CATSPER2: variants seen among roughly 807,000 people sequenced by gnomAD.
The protein encoded by CATSPER2 is cation channel sperm associated 2.
In CATSPER2, 56 loss-of-function variants were observed where a neutral mutation model predicts 68.8. The observed-to-expected ratio is 0.81, with a 90% CI of 0.66 to 1.02. CATSPER2 has a LOEUF of 1.02. CATSPER2 is among the 50% of genes least tolerant of loss of function. CATSPER2 has a pLI of 0.00. For missense variants in CATSPER2, 582 were observed against 642.0 expected, an observed-to-expected ratio of 0.91 and a Z score of 1.01; for synonymous variants, 198 against 229.9, an observed-to-expected ratio of 0.86 and a Z score of 1.26.
At chr15:43,638,229 T>C (rs1439671097) in intron 7 of CATSPER2, among the ~76,000 whole-genome samples, 6 of 151,030 alleles carry the variant, frequency 4.0e-5, no homozygotes, top group Admixed American at 1.3e-4. Context: ...GCTGGGATTA[T>C]AGGCATGAGC....
intron 9 of CATSPER2, 40 bp downstream of exon 9, chr15:43,635,687 C>G (rs764978230): frequency 1.3e-6 from 2 of 1,575,944 alleles, no homozygotes; most frequent in South Asian, 2.2e-5. Flanking sequence ...TCAGGAAACC[C>G]TTGAGAAGGA....
chr15:43,648,365 G>A (rs1205164065), intron 1 of CATSPER2, among the ~76,000 whole-genome samples: 2 of 151,932 alleles, frequency 1.3e-5, no homozygotes, highest in East Asian at 1.9e-4. Flanking sequence ...CAAAAACACC[G>A]CAAGAAAAAG....
In CATSPER2 at chr15:43,638,833, A is replaced by C. The variant is rs1476640131; in HGVS notation, c.842+71T>G. On this transcript the variant is annotated intron_variant, in intron 7 of 12. Transcript: ENST00000396879. ...TAGACTGCACTTTTTATATTACTAT[A>C]CTTTGGACAAGCTTCCTGGTCTCTT... The C allele has an allele frequency of 2.4e-5, 37 of 1,567,972 alleles. 1 individual carries two copies. The highest frequency in any genetic ancestry group is 1.7e-4 in the Middle Eastern group (1 of 6,010).
chr15:43,647,594 A>C, intron 2 of CATSPER2, 127 bp from the exon 3 acceptor site: 1 of 894,672 alleles, frequency 1.1e-6, no homozygotes, highest in Non-Finnish European at 1.9e-6. Flanking sequence ...TTCTCTTCTC[A>C]CAGCAACTAA....
intron 7 of CATSPER2, among the ~76,000 whole-genome samples, chr15:43,638,491 G>A (rs147551440): frequency 0.018 from 2,739 of 151,580 alleles, 108 homozygotes; most frequent in African/African-American, 0.064. Context: ...GTTTCACCAT[G>A]TTGGCTAGGA....
chr15:43,640,437 C>G lies in CATSPER2; in HGVS notation c.448G>C (p.Ala150Pro), dbSNP rs778218359. The G allele has an allele frequency of 6.8e-6, 11 of 1,613,090 alleles. No individual in the cohort carries two copies. Among genetic ancestry groups the G allele is most frequent in the Non-Finnish European group, 9.3e-6 (11 of 1,179,452 alleles). ...WPLKLTLEVA[A>P]WFILLIFILE... The stretch of plus-strand genomic sequence containing the variant: ...ATGAAAATAAGCAAGATAAACCAAG[C>G]TGCCACCTCCAAGGTCAGCTTCAAT... The change falls in exon 5 of 13, where the codon GCT becomes CCT. Residue 150 changes from alanine to proline, a missense_variant. Physicochemically the swap from Ala to Pro is conservative, Grantham distance 27. This residue lies in a region of CATSPER2 where 197 missense variants were observed against 191.0 expected (regional missense o/e 1.03). Transcript: ENST00000396879.
Position 43,632,306 on chromosome 15 carries a change from T to C in CATSPER2, c.1454A>G (p.Asp485Gly). The C allele has an allele frequency of 6.2e-7, 1 of 1,613,736 alleles. No homozygotes were observed. ...HENLPGLMEM[D>G]QDDRVWPRDS... ...TCTGGGCCAAACACGGTCATCCTGA[T>C]CCATTTCCATTAGCCCGGGCAGATT... The change falls in exon 12 of 13, where the codon GAT (aspartate) becomes GGT (glycine). Residue 485 changes from aspartate to glycine, a missense_variant. This residue lies in a region of CATSPER2 where 235 missense variants were observed against 264.2 expected (regional missense o/e 0.89). Transcript: ENST00000396879.
At chr15:43,648,857 A>C, upstream of CATSPER2, 1 of 1,521,524 alleles carries the variant, frequency 6.6e-7, no homozygotes. Flanking sequence ...TCGCCCAGCC[A>C]CTCGCCGCCT....
Position 43,632,233 on chromosome 15 carries a change from G to A in CATSPER2, c.1527C>T (p.Asn509=), listed in dbSNP as rs766475005. The A allele has an allele frequency of 7.2e-5, 116 of 1,613,438 alleles. 1 individual carries two copies. The highest frequency in any genetic ancestry group is 7.0e-4 in the Admixed American group (42 of 59,950). ...CTTGTAACTTCTTACGTTCCTCTAG[G>A]TTATACTGAAGCTTTTCTAGCAACT... The part of the protein sequence containing the change: ...YFELLEKLQY[N]LEERKKLQEF... Residue 509 remains asparagine, a synonymous_variant, in exon 12 of 13, where the codon AAC becomes AAT. Transcript: ENST00000396879.
chr15:43,630,200 T>C lies in CATSPER2; in HGVS notation c.*501A>G, dbSNP rs2927072. On this transcript the variant is annotated 3_prime_UTR_variant, in exon 13 of 13. Transcript: ENST00000396879. ...GCAGTGATATGATCCTAGCTTGCTGTAGCCTCGAACTCCCTGCCTCAAACA... is the reference window on the plus strand; with the variant it reads ...GCAGTGATATGATCCTAGCTTGCTGCAGCCTCGAACTCCCTGCCTCAAACA... 0.2 allele frequency: 37,964 copies of C among 189,900 alleles called. 6,389 individuals are homozygous for C. Among genetic ancestry groups the C allele is most frequent in the African/African-American group, 0.48 (20,253 of 42,534 alleles). The allele number at this position is 189,900 out of a possible 1,614,324, so 11.8% of individuals were successfully genotyped here.
Position 43,635,425 on chromosome 15 carries a change from CAAAAA to C in CATSPER2, c.1122-14_1122-10del. 7.3e-7 allele frequency: 1 copy of C among 1,373,276 alleles called. No homozygotes were observed. The allele number at this position is 1,373,276 out of a possible 1,614,324, so 85.1% of individuals were successfully genotyped here. On this transcript the variant is annotated splice_polypyrimidine_tract_variant and intron_variant, in intron 9 of 12. Transcript: ENST00000396879. The stretch of plus-strand genomic sequence containing the variant: ...GTGACATGTTTTTTCTCCTGCAGAG[CAAAAA>C]AAAAAAAGAGCAAAGACAGTTATAT...
chr15:43,636,076 G>A lies in CATSPER2; in HGVS notation c.986C>T (p.Ser329Phe). ...IYFILWLLLG[S>F]IIFRSIIVAM... ...TACTATGATACTTCGAAAGATAATGGAGCCAAGCAACAACCAAAGGATGAA... is the reference window on the plus strand; with the variant it reads ...TACTATGATACTTCGAAAGATAATGAAGCCAAGCAACAACCAAAGGATGAA... Residue 329 changes from serine (S) to phenylalanine (F), a missense_variant, in exon 8 of 13, where the codon TCC (serine) becomes TTC (phenylalanine). Physicochemically the swap from Ser to Phe is radical, Grantham distance 155 (BLOSUM62 -2). This residue lies in a region of CATSPER2 where 235 missense variants were observed against 264.2 expected (regional missense o/e 0.89). Transcript: ENST00000396879. 2 of 1,589,402 alleles carry A rather than the reference G, an allele frequency of 1.3e-6. No homozygotes were observed. The highest frequency in any genetic ancestry group is 2.2e-5 in the South Asian group (2 of 89,782).
intron 10 of CATSPER2, chr15:43,633,996 A>G (rs1044303722): frequency 5.3e-5 from 8 of 151,498 alleles, no homozygotes; most frequent in African/African-American, 1.9e-4. Flanking sequence ...CCCATTTGCA[A>G]TCCCACCTTC....
rs1163630462 is a variant in CATSPER2, at chr15:43,647,217, G to A, written c.319+77C>T. 4.5e-6 allele frequency: 7 copies of A among 1,568,398 alleles called. 1 individual carries two copies. Among genetic ancestry groups the A allele is most frequent in the Non-Finnish European group, 6.1e-6 (7 of 1,138,806 alleles). ...CATAAGCAGTGAAAATGAGACAGTGGAGTATGGGGAGCAAAAAATAAGTCA... is the reference window on the plus strand; with the variant it reads ...CATAAGCAGTGAAAATGAGACAGTGAAGTATGGGGAGCAAAAAATAAGTCA... On this transcript the variant is annotated intron_variant, in intron 3 of 12. Transcript: ENST00000396879.
At position 43,636,189 on chromosome 15, in the gene CATSPER2, G is replaced by T. The variant is rs781105245; in HGVS notation, c.873C>A (p.Phe291Leu). 2.5e-6 allele frequency: 4 copies of T among 1,613,044 alleles called. No individual in the cohort carries two copies. In the South Asian group the frequency reaches 4.4e-5, roughly 18 times the overall value. ...ACCAATGATCCAAGGTGAAGAGAATGAACACTGTTACCAGGGAATTCGGGA... is the reference window on the plus strand; with the variant it reads ...ACCAATGATCCAAGGTGAAGAGAATTAACACTGTTACCAGGGAATTCGGGA... The part of the protein sequence containing the change: ...SDLPNSLVTV[F>L]ILFTLDHWYA... Residue 291 changes from phenylalanine to leucine, a missense_variant, in exon 8 of 13, where the codon TTC becomes TTA. Physicochemically the swap from Phe to Leu is conservative, Grantham distance 22 (BLOSUM62 0). Around this residue, in one of 5 missense-constraint regions of CATSPER2, gnomAD observed 14 missense variants for 33.7 expected, o/e 0.42. Transcript: ENST00000396879.
intron 4 of CATSPER2, among the ~76,000 whole-genome samples, chr15:43,641,743 T>C (rs139097404): frequency 0.017 from 2,623 of 152,124 alleles, 51 homozygotes; most frequent in Middle Eastern, 0.041. Flanking sequence ...TCTCACTCTG[T>C]CACCCAGGCT....
rs1305146019 is a variant in CATSPER2, at chr15:43,646,683, A to G, written c.388+367T>C. On this transcript the variant is annotated intron_variant, in intron 4 of 12. Transcript: ENST00000396879. Reference sequence around the variant, plus strand: ...ATGTAAAATGATCAATTTAGAAAAAAAAATTACTCCTACCCACTTCCTCTT... The same window carrying G: ...ATGTAAAATGATCAATTTAGAAAAAGAAATTACTCCTACCCACTTCCTCTT... Among the ~76,000 whole-genome samples the G allele has an allele frequency of 5.9e-5, 9 of 151,534 alleles. 1 individual carries two copies. The South Asian group carries it at 1.9e-3, about 32-fold the overall frequency.
intron 2 of CATSPER2, 31 bp from the exon 3 acceptor site, chr15:43,647,498 T>C (rs1385441310): frequency 6.2e-7 from 1 of 1,604,094 alleles, no homozygotes; most frequent in African/African-American, 1.3e-5. Context: ...GGATAGTGGA[T>C]AAATACAAAC....
At chr15:43,635,516 G>A in intron 9 of CATSPER2, 100 bp from the exon 10 acceptor site, 1 of 1,342,478 alleles carries the variant, frequency 7.4e-7, no homozygotes, top group African/African-American at 1.5e-5. Flanking sequence ...AAACTAATTG[G>A]GGAGAACAAA....
Sources: gnomAD v4.1 joint callset for allele counts (sites outside exome capture counted in the v4.1 genomes callset) on GRCh38, gnomAD v4.1.1 for gene constraint, gnomAD v4.1.1 regional missense constraint, MANE v1.5 for transcripts, NCBI Gene and HGNC (gene_info 2026-07-23, HGNC 2026-07-21) for gene names.